Variants in RABGAP1L observed in about 807,000 individuals in gnomAD.
RABGAP1L encodes rab GTPase-activating protein 1-like.
A neutral mutation model predicts 137.7 loss-of-function variants in RABGAP1L; 63 were observed. That is an observed-to-expected ratio of 0.46 (90% CI 0.37 to 0.56). The LOEUF (loss-of-function observed/expected upper bound fraction) is 0.56. RABGAP1L is among the 20% of genes least tolerant of loss of function. RABGAP1L has a pLI of 0.00. For missense variants in RABGAP1L, 1,095 were observed against 1,244.0 expected, an observed-to-expected ratio of 0.88 and a Z score of 1.80; for synonymous variants, 431 against 433.7, an observed-to-expected ratio of 0.99 and a Z score of 0.08.
intron 19 of RABGAP1L, among the ~76,000 whole-genome samples, chr1:174,881,859 A>T (rs938485310): frequency 6.6e-6 from 1 of 151,964 alleles, no homozygotes; most frequent in African/African-American, 2.4e-5. Context: ...TTTTCATCAA[A>T]CATTTTGTTT....
At chr1:174,549,921 A>G (rs1469276255) in intron 13 of RABGAP1L, among the ~76,000 whole-genome samples, 1 of 152,152 alleles carries the variant, frequency 6.6e-6, no homozygotes, top group African/African-American at 2.4e-5. Context: ...AGATCCAGCT[A>G]CTTGGGGGGC....
At chr1:174,980,962 T>A (rs1008332390) in intron 23 of RABGAP1L, among the ~76,000 whole-genome samples, 2 of 151,500 alleles carry the variant, frequency 1.3e-5, no homozygotes, top group Non-Finnish European at 2.9e-5. Context: ...AGATGCCGAA[T>A]GTGGGCATCT....
intron 3 of RABGAP1L, among the ~76,000 whole-genome samples, chr1:174,228,368 A>AT (rs1225095557): frequency 2.0e-5 from 3 of 151,702 alleles, no homozygotes; most frequent in East Asian, 3.9e-4. Flanking sequence ...TTCATCTTAT[A>AT]TTTTTTCTGT....
At chr1:174,982,612 C>T (rs13376513) in intron 23 of RABGAP1L, among the ~76,000 whole-genome samples, 23,438 of 152,162 alleles carry the variant, frequency 0.15, 5,972 homozygotes, top group African/African-American at 0.53. Flanking sequence ...ATCTACTCTC[C>T]GTATGTTTCT....
intron 19 of RABGAP1L, chr1:174,849,599 CAATTT>C (rs1421615136): frequency 5.5e-6 from 2 of 360,434 alleles, no homozygotes; most frequent in Non-Finnish European, 1.1e-5. Flanking sequence ...GTAATTAACA[CAATTT>C]AATATGTGAA....
chr1:174,913,383 G>GT (rs1660357591), intron 19 of RABGAP1L, among the ~76,000 whole-genome samples: 1 of 152,300 alleles, frequency 6.6e-6, no homozygotes, highest in African/African-American at 2.4e-5. Flanking sequence ...TGTGAGAAGG[G>GT]TAGCAGCACT....
chr1:174,347,418 C>G (rs1415702678), intron 11 of RABGAP1L, among the ~76,000 whole-genome samples: 4 of 150,332 alleles, frequency 2.7e-5, no homozygotes, highest in Middle Eastern at 6.9e-3. Context: ...TATTTACAAT[C>G]ATTATATTCT....
chr1:174,542,443 C>G (rs1665549984), intron 13 of RABGAP1L, among the ~76,000 whole-genome samples: 1 of 151,990 alleles, frequency 6.6e-6, no homozygotes, highest in South Asian at 2.1e-4. Context: ...GGTGATATCC[C>G]CTTTATCATT....
chr1:174,454,228 A>C (rs1655780082), intron 13 of RABGAP1L, among the ~76,000 whole-genome samples: 2 of 151,870 alleles, frequency 1.3e-5, no homozygotes, highest in Admixed American at 1.3e-4. Context: ...GCACCACTGC[A>C]CTCCAGCCTG....
intron 13 of RABGAP1L, among the ~76,000 whole-genome samples, chr1:174,534,899 A>G (rs1023637943): frequency 1.3e-5 from 2 of 151,848 alleles, no homozygotes; most frequent in Non-Finnish European, 2.9e-5. Context: ...TAGCACTGTG[A>G]TATTGTAATA....
intron 1 of RABGAP1L, among the ~76,000 whole-genome samples, chr1:174,195,648 C>CCTTCCTTCCTTT (rs1667545279): frequency 1.1e-5 from 1 of 92,128 alleles, no homozygotes; most frequent in Admixed American, 1.1e-4. Flanking sequence ...TTCCTTCCTT[C>CCTTCCTTCCTTT]CTTCCTTTCC....
chr1:174,769,609 G>A (rs951998242), intron 18 of RABGAP1L, among the ~76,000 whole-genome samples: 5 of 152,194 alleles, frequency 3.3e-5, no homozygotes, highest in Non-Finnish European at 4.4e-5. Flanking sequence ...TAAACTAAAT[G>A]TTTCCCAAAG....
At chr1:174,979,086 G>A (rs1670888443) in intron 23 of RABGAP1L, among the ~76,000 whole-genome samples, 196 bp downstream of exon 23, 1 of 152,164 alleles carries the variant, frequency 6.6e-6, no homozygotes, top group Admixed American at 6.5e-5. Flanking sequence ...CCGGGAGGCT[G>A]AGGCAGGAGG....
At chr1:174,829,890 A>T (rs926045869) in intron 19 of RABGAP1L, among the ~76,000 whole-genome samples, 1 of 148,318 alleles carries the variant, frequency 6.7e-6, no homozygotes, top group East Asian at 2.1e-4. Context: ...GTATATCTGC[A>T]TATTTATGGT....
At chr1:174,972,545 C>G (rs920977495) in intron 21 of RABGAP1L, among the ~76,000 whole-genome samples, 2 of 152,128 alleles carry the variant, frequency 1.3e-5, no homozygotes, top group African/African-American at 4.8e-5. Context: ...GACAGTGTTT[C>G]AATCTTATCA....
At chr1:174,609,574 C>G (rs770689828) in intron 13 of RABGAP1L, among the ~76,000 whole-genome samples, 1 of 152,126 alleles carries the variant, frequency 6.6e-6, no homozygotes. Context: ...CTGTTAAGCA[C>G]TATAATCCAG....
intron 17 of RABGAP1L, among the ~76,000 whole-genome samples, chr1:174,747,101 C>T (rs1261145815): frequency 2.0e-5 from 3 of 152,090 alleles, no homozygotes; most frequent in African/African-American, 7.2e-5. Flanking sequence ...AGATATTTTG[C>T]TTTTAAAAAT....
intron 1 of RABGAP1L, among the ~76,000 whole-genome samples, chr1:174,209,798 A>G (rs1054323922): frequency 1.3e-5 from 2 of 152,182 alleles, no homozygotes; most frequent in Admixed American, 6.5e-5. Flanking sequence ...GGTGAGACAC[A>G]GTGCTGTCCT....
intron 20 of RABGAP1L, among the ~76,000 whole-genome samples, chr1:174,966,873 A>AG (rs1669675076): frequency 1.4e-5 from 2 of 141,688 alleles, no homozygotes; most frequent in African/African-American, 6.4e-5. Context: ...AGTGGACTTA[A>AG]ATTTTTTTTT....
Sources: allele counts gnomAD v4.1 joint callset (sites outside exome capture counted in the v4.1 genomes callset), GRCh38; gene constraint gnomAD v4.1.1; transcripts MANE v1.5; gene names NCBI Gene and HGNC (gene_info 2026-07-23, HGNC 2026-07-21).